The following ADAMTSL1 variants were observed in gnomAD, a reference collection of about 807,000 sequenced individuals.
ADAMTSL1 encodes the protein ADAMTS-like protein 1.
ADAMTSL1 carries 126 observed loss-of-function variants against 201.8 expected under a neutral mutation model. That is an observed-to-expected ratio of 0.62 (90% confidence interval 0.54 to 0.72). The LOEUF (loss-of-function observed/expected upper bound fraction) is 0.72. Ranked by LOEUF, ADAMTSL1 falls within the 30% of genes least tolerant of loss-of-function variation. The pLI, the probability that ADAMTSL1 is intolerant of heterozygous loss-of-function variation, is 0.00. For missense variants in ADAMTSL1, 2,679 were observed against 2,277.8 expected (o/e 1.18, Z -3.59); for synonymous variants, 1,121 against 903.4 (o/e 1.24, Z -4.32).
At chr9:18,400,146 T>TATGACATATA (rs371046789) in intron 2 of ADAMTSL1, among the ~76,000 whole-genome samples, 1 of 152,124 alleles carries the variant, frequency 6.6e-6, no homozygotes, top group Non-Finnish European at 1.5e-5. Flanking sequence ...GCCATTAAGT[T>TATGACATATA]TTTTCTTTTT....
At chr9:18,792,147 C>T (rs890982288) in intron 19 of ADAMTSL1, among the ~76,000 whole-genome samples, 2 of 152,138 alleles carry the variant, frequency 1.3e-5, no homozygotes, top group Admixed American at 6.5e-5. Flanking sequence ...TCATGTGCCC[C>T]TCTCACTCCT....
intron 2 of ADAMTSL1, among the ~76,000 whole-genome samples, chr9:18,306,570 A>G (rs2132761041): frequency 6.6e-6 from 1 of 152,296 alleles, no homozygotes; most frequent in South Asian, 2.1e-4. Context: ...AGCTTAATTG[A>G]TGAAGCAGAA....
At chr9:18,820,611 T>C (rs1185988646) in intron 21 of ADAMTSL1, among the ~76,000 whole-genome samples, 5 of 152,252 alleles carry the variant, frequency 3.3e-5, no homozygotes, top group Non-Finnish European at 5.9e-5. Flanking sequence ...AAGAATATTA[T>C]GTAATTTACC....
intron 2 of ADAMTSL1, among the ~76,000 whole-genome samples, chr9:18,210,608 C>T (rs1036400434): frequency 6.6e-6 from 1 of 150,788 alleles, no homozygotes; most frequent in African/African-American, 2.4e-5. Flanking sequence ...TGACAATAAT[C>T]ATTGCATATT....
intron 23 of ADAMTSL1, among the ~76,000 whole-genome samples, chr9:18,850,156 G>C (rs1826394287): frequency 6.6e-6 from 1 of 152,220 alleles, no homozygotes; most frequent in Non-Finnish European, 1.5e-5. Flanking sequence ...GATAGGAAAT[G>C]AGGACCTTGA....
intron 23 of ADAMTSL1, among the ~76,000 whole-genome samples, chr9:18,856,415 T>G (rs1377862269): frequency 2.6e-5 from 4 of 151,918 alleles, no homozygotes; most frequent in African/African-American, 9.7e-5. Flanking sequence ...AGTCTTATTG[T>G]TGACATAGCA....
chr9:17,925,550 T>C (rs1215578094), intron 1 of ADAMTSL1, among the ~76,000 whole-genome samples: 1 of 109,732 alleles, frequency 9.1e-6, no homozygotes, highest in East Asian at 3.9e-4. Flanking sequence ...TTCATGTCCT[T>C]TGTAGGGACA....
At chr9:18,567,012 C>A (rs376342512) in intron 3 of ADAMTSL1, among the ~76,000 whole-genome samples, 1 of 152,136 alleles carries the variant, frequency 6.6e-6, no homozygotes, top group Admixed American at 6.5e-5. Context: ...TAGCAACATT[C>A]GCATCACCTG....
intron 23 of ADAMTSL1, among the ~76,000 whole-genome samples, chr9:18,856,468 T>TTTTTTTTTTTTTTTTTTTTTTTTG: frequency 6.9e-6 from 1 of 144,572 alleles, no homozygotes; most frequent in Non-Finnish European, 1.5e-5. Context: ...GGATTTTTTT[T>TTTTTTTTTTTTTTTTTTTTTTTTG]TTTTTTTTTT....
chr9:18,472,543 C>G (rs1821256415), upstream of ADAMTSL1, among the ~76,000 whole-genome samples: 2 of 152,288 alleles, frequency 1.3e-5, no homozygotes, highest in South Asian at 2.1e-4. Flanking sequence ...GTTTCTCTCT[C>G]TTTAATTGAT....
At chr9:18,780,261 C>A (rs1821314285) in intron 19 of ADAMTSL1, among the ~76,000 whole-genome samples, 1 of 152,192 alleles carries the variant, frequency 6.6e-6, no homozygotes, top group Admixed American at 6.5e-5. Flanking sequence ...CTCTTCATTT[C>A]ATAAATGAGG....
intron 6 of ADAMTSL1, among the ~76,000 whole-genome samples, 162 bp downstream of exon 6, chr9:18,636,179 A>T (rs897990025): frequency 2.6e-5 from 4 of 152,188 alleles, no homozygotes; most frequent in African/African-American, 9.6e-5. Flanking sequence ...GCCTGATGAG[A>T]TGGCAGAAAC....
intron 2 of ADAMTSL1, among the ~76,000 whole-genome samples, chr9:18,199,550 C>T (rs1428409940): frequency 6.6e-6 from 1 of 152,010 alleles, no homozygotes; most frequent in Non-Finnish European, 1.5e-5. Flanking sequence ...TGTATTTTGA[C>T]AGTTTTATCA....
intron 2 of ADAMTSL1, among the ~76,000 whole-genome samples, chr9:18,181,651 G>C (rs1338212748): frequency 6.6e-6 from 1 of 152,074 alleles, no homozygotes; most frequent in African/African-American, 2.4e-5. Flanking sequence ...GTGCTGGAGA[G>C]GATGTGGAGA....
intron 1 of ADAMTSL1, among the ~76,000 whole-genome samples, chr9:18,103,466 A>C (rs1041398108): frequency 1.3e-5 from 2 of 152,174 alleles, no homozygotes; most frequent in Non-Finnish European, 2.9e-5. Context: ...GGAAGATAAT[A>C]AAGCCCACTT....
intron 2 of ADAMTSL1, among the ~76,000 whole-genome samples, chr9:18,430,548 A>C (rs1468837342): frequency 6.6e-6 from 1 of 152,172 alleles, no homozygotes; most frequent in African/African-American, 2.4e-5. Context: ...CTTTAGACAC[A>C]TATTTTGTGC....
At chr9:18,434,176 G>T (rs1480501005) in intron 2 of ADAMTSL1, among the ~76,000 whole-genome samples, 1 of 152,148 alleles carries the variant, frequency 6.6e-6, no homozygotes, top group Non-Finnish European at 1.5e-5. Context: ...GCTCTTAAGA[G>T]ACTCTAGAAG....
At chr9:18,240,704 C>G (rs1271736453) in intron 2 of ADAMTSL1, among the ~76,000 whole-genome samples, 1 of 152,168 alleles carries the variant, frequency 6.6e-6, no homozygotes, top group African/African-American at 2.4e-5. Context: ...AGAGGGAGTA[C>G]TCCCTAACAT....
intron 23 of ADAMTSL1, among the ~76,000 whole-genome samples, chr9:18,836,129 T>C (rs10811045): frequency 0.74 from 112,567 of 152,150 alleles, 42,012 homozygotes; most frequent in African/African-American, 0.81. Flanking sequence ...ACCATCAGTA[T>C]AAAAGCATTC....
Sources: allele counts gnomAD v4.1 joint callset (sites outside exome capture counted in the v4.1 genomes callset), GRCh38; gene constraint gnomAD v4.1.1; transcripts MANE v1.5; gene names NCBI Gene and HGNC (gene_info 2026-07-23, HGNC 2026-07-21).